The following MTG1 variants were observed in gnomAD, a reference collection of about 807,000 sequenced individuals.
MTG1 encodes the protein mitochondrial ribosome associated GTPase 1.
In MTG1, 30 loss-of-function variants were observed where a neutral mutation model predicts 39.5. The observed-to-expected ratio is 0.76, with a 90% CI of 0.57 to 1.03. MTG1 has a LOEUF of 1.03. Among genes scored for constraint, MTG1 ranks in the 50% least tolerant of loss-of-function variants. The probability of loss-of-function intolerance (pLI) is 0.00; values close to 1 mark genes in which losing one functional copy is unlikely to be tolerated. For synonymous variants in MTG1, 217 were observed against 179.0 expected, an observed-to-expected ratio of 1.21 and a Z score of -1.69; for missense variants, 513 against 447.4, an observed-to-expected ratio of 1.15 and a Z score of -1.32.
chr10:133,400,642 G>A (rs1849861156), intron 6 of MTG1, among the ~76,000 whole-genome samples: 1 of 152,120 alleles, frequency 6.6e-6, no homozygotes, highest in Non-Finnish European at 1.5e-5. Flanking sequence ...TTATTTTTAA[G>A]CGTATTATTT....
Position 133,394,261 on chromosome 10 carries a change from CCG to C in MTG1, c.43_44del (p.Ala15LeufsTer61), listed in dbSNP as rs1399634334. On this transcript the variant is annotated frameshift_variant, in exon 1 of 11. Coordinates refer to ENST00000317502, the MANE Select transcript of MTG1 (RefSeq NM_138384.4). LOFTEE classifies it high-confidence loss of function. ...CGCGCGCTGTGCAGCGCCGCCCAGG[CCG>C]CCTGGCGGGAGAACTTCCCCCTGTG... 1 of 1,517,524 alleles carries C rather than the reference CCG, an allele frequency of 6.6e-7. No homozygotes were observed. Among genetic ancestry groups the C allele is most frequent in the African/African-American group, 1.4e-5 (1 of 69,544 alleles). 94.0% of individuals were successfully genotyped at this position (1,517,524 alleles called of 1,614,324 possible).
Position 133,396,316 on chromosome 10 carries a change from C to T in MTG1, c.282+49C>T, listed in dbSNP as rs753795674. 70 of 1,504,920 alleles carry T rather than the reference C, an allele frequency of 4.7e-5. No homozygotes were observed. In the East Asian group the frequency reaches 1.1e-3, roughly 24 times the overall value. 93.2% of individuals were successfully genotyped at this position (1,504,920 alleles called of 1,614,324 possible). On this transcript the variant is annotated intron_variant, in intron 3 of 10. Transcript: ENST00000317502. ...CTTCAGCAGTGTGGCTGTGTTTTCC[C>T]GAGGTCGCTTGTTCTAACGGAAGAG...
chr10:133,411,230 A>T (rs1429750881), intron 9 of MTG1, among the ~76,000 whole-genome samples: 2 of 151,862 alleles, frequency 1.3e-5, no homozygotes, highest in East Asian at 3.9e-4. Flanking sequence ...TTCCTTCAGC[A>T]CTTTGAATAT....
chr10:133,396,419 A>T, intron 3 of MTG1, 152 bp downstream of exon 3: 1 of 681,022 alleles, frequency 1.5e-6, no homozygotes, highest in Non-Finnish European at 2.5e-6. Flanking sequence ...GAAGCGTGCC[A>T]GCATCGTTTC....
At chr10:133,411,971 G>T (rs1175475049) in intron 9 of MTG1, among the ~76,000 whole-genome samples, 2 of 152,130 alleles carry the variant, frequency 1.3e-5, no homozygotes, top group African/African-American at 4.8e-5. Context: ...GTCTGTTTGA[G>T]AAGGTCGCGG....
intron 9 of MTG1, among the ~76,000 whole-genome samples, chr10:133,403,760 A>G (rs1849923285): frequency 6.6e-6 from 1 of 152,016 alleles, no homozygotes; most frequent in Admixed American, 6.6e-5. Context: ...CTTTGTGTAG[A>G]TCCGGGCTTT....
At chr10:133,400,744 A>T (rs576210300) in intron 6 of MTG1, among the ~76,000 whole-genome samples, 1 of 152,200 alleles carries the variant, frequency 6.6e-6, no homozygotes, top group Non-Finnish European at 1.5e-5. Flanking sequence ...AACTCTGTAA[A>T]TACAAAGAGT....
chr10:133,420,144 C>T lies in MTG1; in HGVS notation c.984C>T (p.Pro328=). Residue 328 remains proline (P), a synonymous_variant, in exon 11 of 11, where the codon CCC becomes CCT. Coordinates refer to ENST00000317502, the MANE Select transcript of MTG1 (RefSeq NM_138384.4). ...MLDLDVLRGH[P]PAETLP is the part of the protein sequence containing the mutation. The stretch of plus-strand genomic sequence containing the variant: ...ACCTCGACGTCCTGCGGGGCCACCC[C>T]CCGGCTGAGACTTTGCCCTGAACTT... 8.1e-6 allele frequency: 13 copies of T among 1,612,016 alleles called. No individual in the cohort carries two copies. The highest frequency in any genetic ancestry group is 1.1e-5 in the Non-Finnish European group (13 of 1,179,174).
chr10:133,414,545 G>T (rs1214176319), intron 9 of MTG1, among the ~76,000 whole-genome samples: 1 of 151,674 alleles, frequency 6.6e-6, no homozygotes, highest in African/African-American at 2.4e-5. Context: ...CCGGGCAGAG[G>T]CGCTCCCCAC....
intron 9 of MTG1, among the ~76,000 whole-genome samples, chr10:133,404,932 T>C (rs776291322): frequency 2.0e-5 from 3 of 152,226 alleles, no homozygotes; most frequent in Admixed American, 2.0e-4. Context: ...TAATTTAATA[T>C]GAGATTTGAA....
chr10:133,402,400 G>A lies in MTG1; in HGVS notation c.670+155G>A, dbSNP rs1849895726. On this transcript the variant is annotated intron_variant, in intron 8 of 10. Transcript: ENST00000317502. This position sits in a 1 kb window ranked among gnomAD's most constrained non-coding sequence, Gnocchi z 4.7. Reference sequence around the variant, plus strand: ...TTCCTCGAAGCTTAGTGTGAGAGCTGTAATAGTGCACAGCTGACAGGCACT... The same window carrying A: ...TTCCTCGAAGCTTAGTGTGAGAGCTATAATAGTGCACAGCTGACAGGCACT... 3 of 848,780 alleles carry A rather than the reference G, an allele frequency of 3.5e-6. No individual in the cohort carries two copies. Among genetic ancestry groups the A allele is most frequent in the South Asian group, 3.1e-5 (2 of 64,842 alleles). 52.6% of individuals were successfully genotyped at this position (848,780 alleles called of 1,614,324 possible).
At chr10:133,394,624 C>G in intron 1 of MTG1, 1 of 1,263,282 alleles carries the variant, frequency 7.9e-7, no homozygotes, top group Non-Finnish European at 1.0e-6. Flanking sequence ...GTCCTCTGTT[C>G]CCAGCAAGTT....
intron 10 of MTG1, among the ~76,000 whole-genome samples, 176 bp from the exon 11 acceptor site, chr10:133,419,850 G>T (rs117473516): frequency 1.3e-5 from 2 of 152,320 alleles, no homozygotes; most frequent in East Asian, 3.9e-4. Flanking sequence ...CACATGCCTG[G>T]CCTTGGAGGC....
chr10:133,417,878 T>C (rs940891304), intron 9 of MTG1, among the ~76,000 whole-genome samples: 38 of 152,294 alleles, frequency 2.5e-4, no homozygotes, highest in Admixed American at 3.9e-4. Context: ...TAAAAGAGAA[T>C]ACAAACAAAT....
In MTG1 at chr10:133,416,386, A is replaced by AT. The variant is rs996895861; in HGVS notation, c.753-3093dup. ...ATTTTTGGATGATATATATATATAT[A>AT]TATTTTTCTTTTTATTTTATTTTAT... On this transcript the variant is annotated intron_variant, in intron 9 of 10. Transcript: ENST00000317502. Among the ~76,000 whole-genome samples the AT allele has an allele frequency of 1.7e-4, 20 of 116,394 alleles. 1 individual carries two copies. The Middle Eastern group carries it at 0.018, about 107-fold the overall frequency. 76.4% of individuals were successfully genotyped at this position (116,394 alleles called of 152,430 possible).
In MTG1 at chr10:133,402,463, T is replaced by C. The variant is rs1252132733; in HGVS notation, c.670+218T>C. 5.8e-6 allele frequency: 4 copies of C among 695,266 alleles called. No individual in the cohort carries two copies. The highest frequency in any genetic ancestry group is 1.8e-5 in the African/African-American group (1 of 56,024). The allele number at this position is 695,266 out of a possible 1,614,324, so 43.1% of individuals were successfully genotyped here. On this transcript the variant is annotated intron_variant, in intron 8 of 10. Coordinates refer to ENST00000317502, the MANE Select transcript of MTG1 (RefSeq NM_138384.4). This position sits in a 1 kb window ranked among gnomAD's most constrained non-coding sequence, Gnocchi z 4.7. ...ACCCTGCCCCATGAGTGGCCTTCCCTTTCCCCATTTGACGGACCAGGGCAG... is the reference window on the plus strand; with the variant it reads ...ACCCTGCCCCATGAGTGGCCTTCCCCTTCCCCATTTGACGGACCAGGGCAG...
At chr10:133,419,412 GC>G (rs1339685449) in intron 9 of MTG1, 67 bp from the exon 10 acceptor site, 6 of 1,373,726 alleles carry the variant, frequency 4.4e-6, no homozygotes, top group Non-Finnish European at 6.0e-6. Context: ...AGGAGGAAGG[GC>G]CCGGCCTGGC....
At position 133,397,483 on chromosome 10, in the gene MTG1, C is replaced by CTTT. The variant is rs755741791; in HGVS notation, c.283-941_283-939dup. Among the ~76,000 whole-genome samples the CTTT allele has an allele frequency of 2.8e-5, 4 of 142,452 alleles. No homozygotes were observed. In the South Asian group the frequency reaches 6.9e-4, roughly 24 times the overall value. The allele number at this position is 142,452 out of a possible 152,430, so 93.5% of individuals were successfully genotyped here. ...ATCTCTTTGTCTTGTGTCTTATTTT[C>CTTT]TTTTTTTTTTTTTGAGGCAGAGTCT... On this transcript the variant is annotated intron_variant, in intron 3 of 10. Transcript: ENST00000317502.
In MTG1 at chr10:133,394,888, C is replaced by T. The variant is rs41283337; in HGVS notation, c.112+556C>T. Reference sequence around the variant, plus strand: ...TGTGATGGCCACTCCTGCGTCGGCTCCGCGTGTACTGGGGGCCGAGGGGGA... The same window carrying T: ...TGTGATGGCCACTCCTGCGTCGGCTTCGCGTGTACTGGGGGCCGAGGGGGA... On this transcript the variant is annotated intron_variant, in intron 1 of 10. Coordinates refer to ENST00000317502, the MANE Select transcript of MTG1 (RefSeq NM_138384.4). The T allele has an allele frequency of 2.8e-3, 846 of 306,662 alleles. 1 individual carries two copies. The highest frequency in any genetic ancestry group is 4.8e-3 in the Middle Eastern group (3 of 624). 19.0% of individuals were successfully genotyped at this position (306,662 alleles called of 1,614,324 possible). A position where few individuals can be genotyped will look rare whatever the true frequency, so the allele number is the denominator to read the frequency against.
Sources: gnomAD v4.1 joint callset for allele counts (sites outside exome capture counted in the v4.1 genomes callset) on GRCh38, gnomAD v4.1.1 for gene constraint, Gnocchi (gnomAD v3.1) non-coding constraint, MANE v1.5 for transcripts, NCBI Gene and HGNC (gene_info 2026-07-23, HGNC 2026-07-21) for gene names.